KIRREL3: variants seen among roughly 807,000 people sequenced by gnomAD.
The protein encoded by KIRREL3 is kirre like nephrin family adhesion molecule 3.
KIRREL3 carries 36 observed loss-of-function variants against 89.7 expected under a neutral mutation model. The ratio of observed to expected loss-of-function variants is 0.40; its 90% CI spans 0.31 to 0.53. The LOEUF (loss-of-function observed/expected upper bound fraction) is 0.53. KIRREL3 is among the 20% of genes least tolerant of loss of function. KIRREL3 has a pLI of 0.49. For synonymous variants in KIRREL3, 445 were observed against 441.4 expected (o/e 1.01, Z -0.10); for missense variants, 864 against 1,056.6 (o/e 0.82, Z 2.53).
intron 1 of KIRREL3, among the ~76,000 whole-genome samples, chr11:126,660,137 G>C (rs534374614): frequency 5.7e-4 from 87 of 152,304 alleles, no homozygotes; most frequent in South Asian, 1.2e-3. Flanking sequence ...TATGTGAAGG[G>C]CAAAGGAGGC....
rs1592093701 is a variant in KIRREL3, at chr11:126,764,990, A to G, written c.56-202078T>C. ...GGAAACTTTTGAGGGTACAAATAGTATACAGGTCAAAAAGTAAAAGGTATC... is the reference window on the plus strand; with the variant it reads ...GGAAACTTTTGAGGGTACAAATAGTGTACAGGTCAAAAAGTAAAAGGTATC... On this transcript the variant is annotated intron_variant, in intron 1 of 16. Coordinates refer to ENST00000525144, the MANE Select transcript of KIRREL3 (RefSeq NM_032531.4). This position sits in a 1 kb window ranked among gnomAD's most constrained non-coding sequence, Gnocchi z 4.2. Among the ~76,000 whole-genome samples, 1 of 152,238 alleles carries G rather than the reference A, an allele frequency of 6.6e-6. No homozygotes were observed. The highest frequency in any genetic ancestry group is 2.4e-5 in the African/African-American group (1 of 41,454).
In KIRREL3 at chr11:126,755,757, CT is replaced by C. The variant is rs1949472406; in HGVS notation, c.56-192846del. ...GCTTCAAGCAACTCTTTCCATGCCC[CT>C]TCTTTGCACTTTTTCCACCCCCTCA... is the stretch of plus-strand genomic sequence containing the variant. On this transcript the variant is annotated intron_variant, in intron 1 of 16. Coordinates refer to ENST00000525144, the MANE Select transcript of KIRREL3 (RefSeq NM_032531.4). The surrounding 1 kb of genome is among the most constrained non-coding windows in gnomAD (Gnocchi z 4.3). Among the ~76,000 whole-genome samples the C allele has an allele frequency of 6.6e-6, 1 of 151,994 alleles. No homozygotes were observed. The highest frequency in any genetic ancestry group is 2.1e-4 in the South Asian group (1 of 4,818).
chr11:126,746,064 G>A (rs2134233043), intron 1 of KIRREL3, among the ~76,000 whole-genome samples: 1 of 152,276 alleles, frequency 6.6e-6, no homozygotes, highest in East Asian at 1.9e-4. Context: ...CACTCCATCT[G>A]CTTTTTGTTA....
In KIRREL3 at chr11:126,978,736, T is replaced by C. The variant is rs1949645807; in HGVS notation, c.55+21719A>G. 6.6e-6 allele frequency among the ~76,000 whole-genome samples: 1 copy of C among 152,170 alleles called. No homozygotes were observed. Among genetic ancestry groups the C allele is most frequent in the Non-Finnish European group, 1.5e-5 (1 of 68,016 alleles). The stretch of plus-strand genomic sequence containing the variant: ...GGAGCTTTGCTTCATGGTGGGAGTT[T>C]CTCTGAGCTCTGTTCCCCCAAGGTG... On this transcript the variant is annotated intron_variant, in intron 1 of 16. Transcript: ENST00000525144. This position sits in a 1 kb window ranked among gnomAD's most constrained non-coding sequence, Gnocchi z 4.2.
chr11:126,656,105 A>G lies in KIRREL3; in HGVS notation c.56-93193T>C, dbSNP rs972472606. The stretch of plus-strand genomic sequence containing the variant: ...ACTATACCTTATCTATGCTGTGCAA[A>G]GGAATAAGAAACTAGTGCTGTCTCG... On this transcript the variant is annotated intron_variant, in intron 1 of 16. Coordinates refer to ENST00000525144, the MANE Select transcript of KIRREL3 (RefSeq NM_032531.4). The surrounding 1 kb of genome is among the most constrained non-coding windows in gnomAD (Gnocchi z 4.0). 12 of 456,006 alleles carry G rather than the reference A, an allele frequency of 2.6e-5. No homozygotes were observed. The highest frequency in any genetic ancestry group is 2.2e-4 in the African/African-American group (11 of 50,046). 28.2% of individuals were successfully genotyped at this position (456,006 alleles called of 1,614,324 possible).
chr11:126,694,653 T>C lies in KIRREL3; in HGVS notation c.56-131741A>G, dbSNP rs1227956016. Among the ~76,000 whole-genome samples, 1 of 152,180 alleles carries C rather than the reference T, an allele frequency of 6.6e-6. No homozygotes were observed. Among genetic ancestry groups the C allele is most frequent in the Non-Finnish European group, 1.5e-5 (1 of 68,028 alleles). ...CTTTAATCTGGCTCTGCTGTAAGCA[T>C]TGTGACCTTAGGGCAGGTACTGACT... On this transcript the variant is annotated intron_variant, in intron 1 of 16. Coordinates refer to ENST00000525144, the MANE Select transcript of KIRREL3 (RefSeq NM_032531.4). This position sits in a 1 kb window ranked among gnomAD's most constrained non-coding sequence, Gnocchi z 4.4.
intron 11 of KIRREL3, among the ~76,000 whole-genome samples, chr11:126,437,322 A>C (rs1479677323): frequency 6.6e-6 from 1 of 152,170 alleles, no homozygotes; most frequent in African/African-American, 2.4e-5. Flanking sequence ...ACACATGGCC[A>C]ACACGTTTAT....
chr11:126,950,944 G>T (rs1483257844), intron 1 of KIRREL3, among the ~76,000 whole-genome samples: 1 of 152,364 alleles, frequency 6.6e-6, no homozygotes, highest in Non-Finnish European at 1.5e-5. Context: ...AGAGGGCAAA[G>T]AACTTACTCA....
chr11:126,547,456 C>A (rs917690930), intron 2 of KIRREL3, among the ~76,000 whole-genome samples: 1 of 152,170 alleles, frequency 6.6e-6, no homozygotes, highest in African/African-American at 2.4e-5. Context: ...TGTGTGTACG[C>A]GTGATCCCTC....
chr11:126,496,192 A>G lies in KIRREL3; in HGVS notation c.434-22726T>C, dbSNP rs922927998. On this transcript the variant is annotated intron_variant, in intron 4 of 16. Transcript: ENST00000525144. The surrounding 1 kb of genome is among the most constrained non-coding windows in gnomAD (Gnocchi z 4.9). ...GTGATTTGTTATGCAGAAATTGACAACCAGACAGATTTTGCAGAACTAGCC... is the reference window on the plus strand; with the variant it reads ...GTGATTTGTTATGCAGAAATTGACAGCCAGACAGATTTTGCAGAACTAGCC... 6.6e-6 allele frequency among the ~76,000 whole-genome samples: 1 copy of G among 152,188 alleles called. No homozygotes were observed. The highest frequency in any genetic ancestry group is 2.4e-5 in the African/African-American group (1 of 41,432).
At chr11:126,854,321 G>A (rs963379891) in intron 1 of KIRREL3, among the ~76,000 whole-genome samples, 1 of 152,036 alleles carries the variant, frequency 6.6e-6, no homozygotes, top group Non-Finnish European at 1.5e-5. Flanking sequence ...TTATTATGCA[G>A]TATGAATATG....
rs1024081969 is a variant in KIRREL3, at chr11:126,459,176, A to T, written c.743-2722T>A. Among the ~76,000 whole-genome samples, 20 of 152,118 alleles carry T rather than the reference A, an allele frequency of 1.3e-4. No homozygotes were observed. Among genetic ancestry groups the T allele is most frequent in the Non-Finnish European group, 2.9e-5 (2 of 68,006 alleles). On this transcript the variant is annotated intron_variant, in intron 6 of 16. Transcript: ENST00000525144. The surrounding 1 kb of genome is among the most constrained non-coding windows in gnomAD (Gnocchi z 4.8). Reference sequence around the variant, plus strand: ...GTTTGAGGAGGTGAGTGCCAGTCCCATAGGCTCAAGGGACCCGCCACAGAA... The same window carrying T: ...GTTTGAGGAGGTGAGTGCCAGTCCCTTAGGCTCAAGGGACCCGCCACAGAA...
intron 1 of KIRREL3, among the ~76,000 whole-genome samples, chr11:126,660,104 G>A (rs889352100): frequency 2.6e-5 from 4 of 152,182 alleles, no homozygotes; most frequent in African/African-American, 7.2e-5. Context: ...GGGGCAGACA[G>A]TGGGCACCAG....
In KIRREL3 at chr11:126,788,192, C is replaced by T. The variant is rs570447312; in HGVS notation, c.55+212263G>A. On this transcript the variant is annotated intron_variant, in intron 1 of 16. Coordinates refer to ENST00000525144, the MANE Select transcript of KIRREL3 (RefSeq NM_032531.4). The surrounding 1 kb of genome is among the most constrained non-coding windows in gnomAD (Gnocchi z 4.1). ...TGGAGTTGGGCTTGGGACAAATGCA[C>T]AATCTGGAAGGAAATCGTTTCTAAC... Among the ~76,000 whole-genome samples, 37 of 152,322 alleles carry T rather than the reference C, an allele frequency of 2.4e-4. No individual in the cohort carries two copies. Among genetic ancestry groups the T allele is most frequent in the African/African-American group, 8.7e-4 (36 of 41,574 alleles).
intron 1 of KIRREL3, among the ~76,000 whole-genome samples, chr11:126,923,212 T>A (rs184217140): frequency 1.3e-4 from 2 of 15,532 alleles, no homozygotes; most frequent in Admixed American, 5.7e-4. Flanking sequence ...TTCTTCTTCT[T>A]CTTCTTCTTC....
In KIRREL3 at chr11:126,424,806, A is replaced by G. The variant is rs767016715; in HGVS notation, c.2111T>C (p.Ile704Thr). 6.2e-7 allele frequency: 1 copy of G among 1,614,036 alleles called. No individual in the cohort carries two copies. The highest frequency in any genetic ancestry group is 1.1e-5 in the South Asian group (1 of 91,090). Reference sequence around the variant, plus strand: ...CTGGAACTCCCGCTCACAAAGCTCGATGGACGAGCTGCCCATGCCCAGCAC... The same window carrying G: ...CTGGAACTCCCGCTCACAAAGCTCGGTGGACGAGCTGCCCATGCCCAGCAC... ...RFVLGMGSSS[I>T]ELCEREFQRG... The change falls in exon 17 of 17, where the codon ATC becomes ACC. Residue 704 changes from isoleucine (I) to threonine (T), a missense_variant. Transcript: ENST00000525144.
chr11:126,933,456 A>G (rs958151252), intron 1 of KIRREL3, among the ~76,000 whole-genome samples: 2 of 151,256 alleles, frequency 1.3e-5, no homozygotes, highest in African/African-American at 4.9e-5. Context: ...CATGTTTTAA[A>G]GAATTTCAAA....
rs986887381 is a variant in KIRREL3, at chr11:126,682,373, A to G, written c.56-119461T>C. Among the ~76,000 whole-genome samples the G allele has an allele frequency of 6.6e-5, 10 of 152,286 alleles. No homozygotes were observed. Among genetic ancestry groups the G allele is most frequent in the African/African-American group, 2.4e-4 (10 of 41,552 alleles). On this transcript the variant is annotated intron_variant, in intron 1 of 16. Coordinates refer to ENST00000525144, the MANE Select transcript of KIRREL3 (RefSeq NM_032531.4). The surrounding 1 kb of genome is among the most constrained non-coding windows in gnomAD (Gnocchi z 4.8). The stretch of plus-strand genomic sequence containing the variant: ...TTTCCTCATCTGCAAAATGAGGATG[A>G]TAATATCCTCCTCCCAGTGTTGCTG...
At chr11:126,506,283 T>G (rs925245811) in intron 4 of KIRREL3, among the ~76,000 whole-genome samples, 66 of 152,214 alleles carry the variant, frequency 4.3e-4, no homozygotes, top group African/African-American at 1.6e-3. Context: ...AAAGTTTTTG[T>G]GCTTCATAAG....
Sources: allele counts gnomAD v4.1 joint callset (sites outside exome capture counted in the v4.1 genomes callset), GRCh38; gene constraint gnomAD v4.1.1; non-coding constraint Gnocchi (gnomAD v3.1); transcripts MANE v1.5; gene names NCBI Gene and HGNC (gene_info 2026-07-23, HGNC 2026-07-21).